Variants in ITGBL1 observed in about 807,000 individuals in gnomAD.
ITGBL1 encodes integrin subunit beta like 1.
A neutral mutation model predicts 68.5 loss-of-function variants in ITGBL1; 51 were observed. The observed-to-expected ratio is 0.74, with a 90% CI of 0.59 to 0.94. The LOEUF is 0.94. Ranked by LOEUF, ITGBL1 falls within the 40% of genes least tolerant of loss-of-function variation. The pLI is 0.00. For synonymous variants in ITGBL1, 209 were observed against 227.3 expected (o/e 0.92, Z 0.72); for missense variants, 649 against 647.4 (o/e 1.00, Z -0.03).
intron 2 of ITGBL1, among the ~76,000 whole-genome samples, chr13:101,513,627 T>C (rs1355511341): frequency 6.6e-6 from 1 of 152,150 alleles, no homozygotes; most frequent in East Asian, 1.9e-4. Context: ...AAATTACTTA[T>C]GGCTAGAATT....
At chr13:101,508,836 C>G (rs771290376) in intron 2 of ITGBL1, among the ~76,000 whole-genome samples, 1 of 152,120 alleles carries the variant, frequency 6.6e-6, no homozygotes, top group Admixed American at 6.6e-5. Flanking sequence ...CTTTGAGAAA[C>G]TTTTTAAATC....
At chr13:101,466,057 T>A (rs1311793838) in intron 2 of ITGBL1, among the ~76,000 whole-genome samples, 4 of 152,132 alleles carry the variant, frequency 2.6e-5, no homozygotes, top group African/African-American at 4.8e-5. Context: ...GGGGAGGGGA[T>A]CCTCTTAGTC....
intron 2 of ITGBL1, among the ~76,000 whole-genome samples, chr13:101,498,928 G>A (rs1029292728): frequency 6.6e-6 from 1 of 152,114 alleles, no homozygotes. Flanking sequence ...CAGTGGGCAA[G>A]GAAAGAAATG....
intron 7 of ITGBL1, among the ~76,000 whole-genome samples, chr13:101,655,770 G>A (rs1233377121): frequency 1.3e-5 from 2 of 152,188 alleles, no homozygotes; most frequent in South Asian, 2.1e-4. Context: ...ATCTTATGAC[G>A]CTGGCCATTG....
At chr13:101,705,307 A>AAAAAAAAAAAC (rs1555367877) in intron 8 of ITGBL1, among the ~76,000 whole-genome samples, 7 of 144,950 alleles carry the variant, frequency 4.8e-5, no homozygotes, top group African/African-American at 1.9e-4. Flanking sequence ...AAAAAAAAAA[A>AAAAAAAAAAAC]AACAACAACA....
At chr13:101,531,465 A>C (rs2049474051) in intron 2 of ITGBL1, among the ~76,000 whole-genome samples, 1 of 152,086 alleles carries the variant, frequency 6.6e-6, no homozygotes, top group Non-Finnish European at 1.5e-5. Flanking sequence ...TCTGGAAAGG[A>C]TTAAAAAGCC....
chr13:101,681,463 C>T (rs1240351304), intron 7 of ITGBL1, among the ~76,000 whole-genome samples: 1 of 152,138 alleles, frequency 6.6e-6, no homozygotes. Context: ...AAGAGATGTA[C>T]TTGGTCCTGA....
At chr13:101,522,938 AG>A (rs2049310236) in intron 2 of ITGBL1, among the ~76,000 whole-genome samples, 1 of 152,222 alleles carries the variant, frequency 6.6e-6, no homozygotes, top group African/African-American at 2.4e-5. Flanking sequence ...ACATCGCTGC[AG>A]GCAAAATAAT....
At chr13:101,641,541 ATTTAT>A (rs1047072091) in intron 7 of ITGBL1, among the ~76,000 whole-genome samples, 6 of 141,882 alleles carry the variant, frequency 4.2e-5, no homozygotes, top group Admixed American at 2.7e-4. Flanking sequence ...ATTTTATTTT[ATTTAT>A]TTTTATTTTT....
chr13:101,514,788 A>ATG (rs2049169398), intron 2 of ITGBL1, among the ~76,000 whole-genome samples: 1 of 152,080 alleles, frequency 6.6e-6, no homozygotes. Flanking sequence ...TGGGTGTGGT[A>ATG]TGTGTGTACC....
chr13:101,476,487 T>A (rs1438849834), intron 2 of ITGBL1, among the ~76,000 whole-genome samples: 2 of 152,028 alleles, frequency 1.3e-5, no homozygotes, highest in Non-Finnish European at 2.9e-5. Flanking sequence ...TCTTTACTTA[T>A]TAATAATAAT....
chr13:101,514,392 G>A, intron 2 of ITGBL1, among the ~76,000 whole-genome samples: 1 of 152,070 alleles, frequency 6.6e-6, no homozygotes. Context: ...AATCACTTTA[G>A]AAGTGCATAA....
At chr13:101,504,005 A>G (rs1159998229) in intron 2 of ITGBL1, among the ~76,000 whole-genome samples, 2 of 152,220 alleles carry the variant, frequency 1.3e-5, no homozygotes, top group Non-Finnish European at 2.9e-5. Flanking sequence ...CAAAGATTAC[A>G]TAAAAAGTTC....
chr13:101,558,083 CAAAAAAAAAAA>C (rs568103738), intron 2 of ITGBL1, among the ~76,000 whole-genome samples: 7 of 71,686 alleles, frequency 9.8e-5, no homozygotes, highest in African/African-American at 3.4e-4. Flanking sequence ...AACTCCGTCT[CAAAAAAAAAAA>C]AAAAAAAAAA....
intron 2 of ITGBL1, among the ~76,000 whole-genome samples, chr13:101,498,184 T>C (rs1313426100): frequency 6.6e-6 from 1 of 152,218 alleles, no homozygotes; most frequent in Non-Finnish European, 1.5e-5. Context: ...CGAGACCTCA[T>C]ATAGCTTCTA....
At chr13:101,587,977 G>T (rs972186362) in intron 6 of ITGBL1, among the ~76,000 whole-genome samples, 2 of 152,178 alleles carry the variant, frequency 1.3e-5, no homozygotes, top group Admixed American at 6.5e-5. Flanking sequence ...TAAAAAGAAA[G>T]AAGTATCCTC....
rs201211639 is a variant in ITGBL1, at chr13:101,471,512, GTGTGTGTGTGTGTGTATGTA to G, written c.316+17428_316+17447del. Among the ~76,000 whole-genome samples, 322 of 114,782 alleles carry G rather than the reference GTGTGTGTGTGTGTGTATGTA, an allele frequency of 2.8e-3. 1 individual carries two copies. The highest frequency in any genetic ancestry group is 9.8e-3 in the African/African-American group (250 of 25,570). The allele number at this position is 114,782 out of a possible 152,430, so 75.3% of individuals were successfully genotyped here. A position where few individuals can be genotyped will look rare whatever the true frequency, so the allele number is the denominator to read the frequency against. On this transcript the variant is annotated intron_variant, in intron 2 of 10. Transcript: ENST00000376180. ...ACAGAAAGGCAACACAAATATATATGTGTGTGTGTGTGTGTATGTATGTGTGTGTGTGTGTGTGTGTGTGT... is the reference window on the plus strand; with the variant it reads ...ACAGAAAGGCAACACAAATATATATGTGTGTGTGTGTGTGTGTGTGTGTGT...
At chr13:101,608,425 A>T (rs1241449426) in intron 7 of ITGBL1, among the ~76,000 whole-genome samples, 2 of 151,078 alleles carry the variant, frequency 1.3e-5, no homozygotes, top group Admixed American at 6.6e-5. Flanking sequence ...AATTTTGGAC[A>T]GCTGAATCAT....
intron 7 of ITGBL1, among the ~76,000 whole-genome samples, chr13:101,648,742 T>A: frequency 6.6e-6 from 1 of 152,058 alleles, no homozygotes; most frequent in East Asian, 1.9e-4. Context: ...ATGTTAGACA[T>A]GAAAGAGTAT....
Sources: gnomAD v4.1 joint callset for allele counts (sites outside exome capture counted in the v4.1 genomes callset) on GRCh38, gnomAD v4.1.1 for gene constraint, MANE v1.5 for transcripts, NCBI Gene and HGNC (gene_info 2026-07-23, HGNC 2026-07-21) for gene names.